Variants in SUMF1 observed in about 807,000 individuals in gnomAD.
SUMF1 encodes the protein formylglycine-generating enzyme.
In SUMF1, 48 loss-of-function variants were observed where a neutral mutation model predicts 47.6. The ratio of observed to expected loss-of-function variants is 1.01; its 90% CI spans 0.80 to 1.28. The LOEUF is 1.28. SUMF1 is among the 50% of genes most tolerant of loss of function. The pLI, the probability that SUMF1 is intolerant of heterozygous loss-of-function variation, is 0.00. For synonymous variants in SUMF1, 230 were observed against 192.1 expected, an observed-to-expected ratio of 1.20 and a Z score of -1.63; for missense variants, 571 against 485.4, an observed-to-expected ratio of 1.18 and a Z score of -1.66.
intron 8 of SUMF1, among the ~76,000 whole-genome samples, chr3:4,334,606 G>A (rs1318683806): frequency 1.3e-5 from 2 of 152,208 alleles, no homozygotes; most frequent in Admixed American, 6.5e-5. Context: ...GAAATCAAAA[G>A]CTTCCCAAGG....
intron 3 of SUMF1, among the ~76,000 whole-genome samples, chr3:4,422,768 T>C (rs1360239519): frequency 1.4e-5 from 2 of 142,396 alleles, no homozygotes; most frequent in East Asian, 3.9e-4. Flanking sequence ...CTTTTCTTCC[T>C]TTTTTTTTTT....
At chr3:4,304,223 C>G (rs13100219) in intron 8 of SUMF1, 43,486 of 152,912 alleles carry the variant, frequency 0.28, 7,327 homozygotes, top group Non-Finnish European at 0.39. Flanking sequence ...CCCACCGCAA[C>G]CTCCACCTCC....
At chr3:4,406,678 CA>C (rs575415738) in intron 7 of SUMF1, among the ~76,000 whole-genome samples, 3 of 152,058 alleles carry the variant, frequency 2.0e-5, no homozygotes, top group East Asian at 3.9e-4. Flanking sequence ...CAAAATAAAA[CA>C]AAAACAAAAG....
chr3:4,321,488 A>AG (rs1280989584), intron 8 of SUMF1, among the ~76,000 whole-genome samples: 2 of 148,048 alleles, frequency 1.4e-5, no homozygotes, highest in South Asian at 2.1e-4. Context: ...AAAAAAAAAA[A>AG]AAAAAGAAAA....
intron 8 of SUMF1, among the ~76,000 whole-genome samples, chr3:4,196,265 T>A (rs1695427399): frequency 6.6e-6 from 1 of 152,118 alleles, no homozygotes; most frequent in African/African-American, 2.4e-5. Context: ...CCATCTCAGC[T>A]TAATGAAGGA....
intron 3 of SUMF1, among the ~76,000 whole-genome samples, chr3:4,427,699 T>C (rs1460436729): frequency 6.6e-6 from 1 of 152,202 alleles, no homozygotes; most frequent in Non-Finnish European, 1.5e-5. Context: ...GTTCAGTTCT[T>C]AGTGAAATCC....
chr3:4,255,717 G>C (rs1351725770), intron 8 of SUMF1, among the ~76,000 whole-genome samples: 3 of 136,340 alleles, frequency 2.2e-5, no homozygotes, highest in Non-Finnish European at 4.7e-5. Flanking sequence ...GAGACAGAAA[G>C]TCAACAAGGA....
chr3:4,427,231 A>C (rs751219913), intron 3 of SUMF1, among the ~76,000 whole-genome samples: 2 of 152,238 alleles, frequency 1.3e-5, no homozygotes, highest in Non-Finnish European at 2.9e-5. Flanking sequence ...TTAAAAATTA[A>C]ATGCATTTAG....
intron 9 of SUMF1, among the ~76,000 whole-genome samples, chr3:4,043,010 A>G (rs1694938790): frequency 6.6e-6 from 1 of 152,054 alleles, no homozygotes; most frequent in Non-Finnish European, 1.5e-5. Context: ...CTCTGACTTC[A>G]GGTTGGACTG....
At chr3:4,121,896 G>GTGT (rs1303683055) in intron 8 of SUMF1, among the ~76,000 whole-genome samples, 1 of 152,020 alleles carries the variant, frequency 6.6e-6, no homozygotes, top group Non-Finnish European at 1.5e-5. Context: ...AGGCCCCAGT[G>GTGT]TGTTGTTCCC....
chr3:4,419,088 T>C (rs1559287810), intron 4 of SUMF1, among the ~76,000 whole-genome samples: 1 of 152,220 alleles, frequency 6.6e-6, no homozygotes, highest in Admixed American at 6.5e-5. Flanking sequence ...TCTCAGAAGA[T>C]CCATCGGTGT....
intron 3 of SUMF1, among the ~76,000 whole-genome samples, chr3:4,444,068 G>C (rs758691249): frequency 1.6e-4 from 25 of 151,942 alleles, no homozygotes; most frequent in Admixed American, 4.6e-4. Flanking sequence ...AAAATCGTTG[G>C]GTATTCAGGC....
At chr3:4,465,192 A>G (rs950993126) in intron 1 of SUMF1, among the ~76,000 whole-genome samples, 2 of 152,246 alleles carry the variant, frequency 1.3e-5, no homozygotes, top group Non-Finnish European at 2.9e-5. Context: ...AGAGGGACAG[A>G]CTGGCTTGGC....
Position 4,183,832 on chromosome 3 carries a change from ATG to A in SUMF1, c.1015-115089_1015-115088del, listed in dbSNP as rs1298042582. Among the ~76,000 whole-genome samples the A allele has an allele frequency of 2.0e-4, 30 of 152,180 alleles. 1 individual carries two copies. Among genetic ancestry groups the A allele is most frequent in the Non-Finnish European group, 2.9e-5 (2 of 68,004 alleles). On this transcript the variant is annotated intron_variant and NMD_transcript_variant, in intron 8 of 12. Transcript: ENST00000448413. ...GAACTGGAAGTTGGTTCACAAGGTAATGGGCTACTTTATAAGTAGTGTTAAAC... is the reference window on the plus strand; with the variant it reads ...GAACTGGAAGTTGGTTCACAAGGTAAGGCTACTTTATAAGTAGTGTTAAAC...
In SUMF1 at chr3:4,135,774, A is replaced by G. The variant is rs549318333; in HGVS notation, c.1015-67029T>C. Among the ~76,000 whole-genome samples the G allele has an allele frequency of 3.9e-3, 598 of 152,328 alleles. 4 individuals carry two copies. The highest frequency in any genetic ancestry group is 0.027 in the Middle Eastern group (8 of 294). ...CTTCAGCTGATAAGCAACTTCAGCAACATCTCAGGATACAAAATCAATGTG... is the reference window on the plus strand; with the variant it reads ...CTTCAGCTGATAAGCAACTTCAGCAGCATCTCAGGATACAAAATCAATGTG... On this transcript the variant is annotated intron_variant and NMD_transcript_variant, in intron 8 of 12. Coordinates refer to the SUMF1 transcript ENST00000448413.
chr3:4,143,077 G>C (rs1041527520), intron 8 of SUMF1, among the ~76,000 whole-genome samples: 1 of 152,058 alleles, frequency 6.6e-6, no homozygotes, highest in Non-Finnish European at 1.5e-5. Context: ...CCTGAGCCTC[G>C]ATCGGCTATT....
intron 8 of SUMF1, among the ~76,000 whole-genome samples, chr3:4,298,178 G>T (rs1237810129): frequency 6.6e-6 from 1 of 152,088 alleles, no homozygotes; most frequent in South Asian, 2.1e-4. Flanking sequence ...TTAATGTCCA[G>T]AAATACATTT....
At chr3:4,262,526 A>T (rs751446258) in intron 8 of SUMF1, among the ~76,000 whole-genome samples, 2 of 152,202 alleles carry the variant, frequency 1.3e-5, no homozygotes, top group Non-Finnish European at 2.9e-5. Flanking sequence ...AAGCAAGATC[A>T]TCAGAATGTG....
chr3:4,423,376 G>C (rs1481036867), intron 3 of SUMF1, among the ~76,000 whole-genome samples: 3 of 151,964 alleles, frequency 2.0e-5, no homozygotes, highest in African/African-American at 7.3e-5. Flanking sequence ...ACCTGGATGG[G>C]ATTGGAGCCT....
Sources: gnomAD v4.1 joint callset for allele counts (sites outside exome capture counted in the v4.1 genomes callset) on GRCh38, gnomAD v4.1.1 for gene constraint, MANE v1.5 for transcripts, NCBI Gene and HGNC (gene_info 2026-07-23, HGNC 2026-07-21) for gene names.